Variants in NAP1L1 observed in about 807,000 individuals in gnomAD.
NAP1L1 encodes nucleosome assembly protein 1 like 1.
Under a neutral mutation model 58.9 loss-of-function variants are expected in NAP1L1, and 9 were observed. The observed-to-expected ratio is 0.15, with a 90% CI of 0.09 to 0.27. NAP1L1 has a LOEUF of 0.27. NAP1L1 is among the 10% of genes least tolerant of loss of function. The probability of loss-of-function intolerance (pLI) is 1.00; values close to 1 mark genes in which losing one functional copy is unlikely to be tolerated. For missense variants in NAP1L1, 302 were observed against 458.8 expected (o/e 0.66, Z 3.12); for synonymous variants, 130 against 138.3 (o/e 0.94, Z 0.42).
At chr12:76,048,698 T>C (rs1322342204) in intron 14 of NAP1L1, among the ~76,000 whole-genome samples, 1 of 152,064 alleles carries the variant, frequency 6.6e-6, no homozygotes, top group Non-Finnish European at 1.5e-5. Flanking sequence ...TAAACCATAA[T>C]CTTAAAAAAA....
intron 2 of NAP1L1, chr12:76,073,736 T>C (rs1268270909): frequency 6.5e-6 from 1 of 153,036 alleles, no homozygotes; most frequent in Non-Finnish European, 1.5e-5. Flanking sequence ...AGCACTTACA[T>C]GTCTGCAAGG....
In NAP1L1 at chr12:76,038,825, T is replaced by G. The variant is rs1308256188; in HGVS notation, c.*9604A>C. 1.3e-5 allele frequency: 2 copies of G among 152,180 alleles called. No individual in the cohort carries two copies. Among genetic ancestry groups the G allele is most frequent in the Non-Finnish European group, 2.9e-5 (2 of 68,028 alleles). The allele number at this position is 152,180 out of a possible 1,614,324, so 9.4% of individuals were successfully genotyped here. On this transcript the variant is annotated 3_prime_UTR_variant, in exon 15 of 15. Coordinates refer to ENST00000618691, the MANE Select transcript of NAP1L1 (RefSeq NM_004537.7). ...CAATAACTACCTAAGTAAATCATTG[T>G]TGAGTAACAATGAGCACCCCTTAAA...
chr12:76,042,954 TAA>T lies in NAP1L1; in HGVS notation c.*5473_*5474del, dbSNP rs1199819407. The T allele has an allele frequency of 3.3e-5, 5 of 152,218 alleles. No individual in the cohort carries two copies. Among genetic ancestry groups the T allele is most frequent in the African/African-American group, 1.2e-4 (5 of 41,456 alleles). 9.4% of individuals were successfully genotyped at this position (152,218 alleles called of 1,614,324 possible). ...AGTTGAAGGAAAGCTGTAATATTGA[TAA>T]GTTACCCCAAAACACCAATCTGGAG... On this transcript the variant is annotated 3_prime_UTR_variant, in exon 15 of 15. Transcript: ENST00000618691.
Position 76,049,785 on chromosome 12 carries a change from A to G in NAP1L1, c.1060T>C (p.Tyr354His). 6.2e-7 allele frequency: 1 copy of G among 1,612,826 alleles called. No individual in the cohort carries two copies. Among genetic ancestry groups the G allele is most frequent in the Non-Finnish European group, 8.5e-7 (1 of 1,179,464 alleles). ...TCCGCTTCTTCACCTTCTTCATCAT[A>G]CTGAAAAGGAAAAACAGCGTTAAGT... ...GEAIEDDDDDYDEEGEEADEE... is the reference protein window; with the variant it reads ...GEAIEDDDDDHDEEGEEADEE... Residue 354 changes from tyrosine to histidine, a missense_variant and splice_region_variant, in exon 13 of 15, where the codon TAT (tyrosine) becomes CAT (histidine). By Grantham distance (83) the Tyr-to-His change is moderately conservative (BLOSUM62 2). Transcript: ENST00000618691.
intron 1 of NAP1L1, chr12:76,084,161 A>C (rs11180823): frequency 0.37 from 56,109 of 151,884 alleles, 11,164 homozygotes; most frequent in East Asian, 0.43. Context: ...GGGGGTGTCC[A>C]AGAGGCGGCC....
intron 6 of NAP1L1, chr12:76,057,934 C>A: frequency 8.9e-7 from 1 of 1,121,022 alleles, no homozygotes; most frequent in Non-Finnish European, 1.3e-6. Flanking sequence ...GGGTTGTGGC[C>A]TTGTAACTTT....
intron 8 of NAP1L1, 28 bp downstream of exon 8, chr12:76,054,991 A>T (rs371475780): frequency 1.9e-4 from 296 of 1,531,482 alleles, no homozygotes; most frequent in Non-Finnish European, 2.5e-4. Flanking sequence ...CATGTTACAA[A>T]ATTATAAATA....
intron 2 of NAP1L1, among the ~76,000 whole-genome samples, chr12:76,073,366 T>C (rs748977853): frequency 4.0e-4 from 61 of 152,156 alleles, no homozygotes; most frequent in Non-Finnish European, 7.8e-4. Context: ...ACAAACACTG[T>C]GTACCTCATC....
intron 1 of NAP1L1, among the ~76,000 whole-genome samples, chr12:76,078,375 G>C (rs1006321426): frequency 9.9e-5 from 15 of 151,850 alleles, no homozygotes; most frequent in Admixed American, 5.9e-4. Flanking sequence ...ATCTGTCCCT[G>C]GTATATTCAG....
At position 76,057,880 on chromosome 12, in the gene NAP1L1, G is replaced by A; in HGVS notation, c.430-1719C>T. 4 of 1,421,024 alleles carry A rather than the reference G, an allele frequency of 2.8e-6. No individual in the cohort carries two copies. In the South Asian group the frequency reaches 3.6e-5, roughly 13 times the overall value. 88.0% of individuals were successfully genotyped at this position (1,421,024 alleles called of 1,614,324 possible). A position where few individuals can be genotyped will look rare whatever the true frequency, so the allele number is the denominator to read the frequency against. On this transcript the variant is annotated intron_variant, in intron 6 of 14. Transcript: ENST00000618691. ...AAAAAACAAAGACGGTACCACAAAA[G>A]GTTACTATAGCCAAAATTCCCAGAG...
At position 76,041,491 on chromosome 12, in the gene NAP1L1, A is replaced by G. The variant is rs1171380920; in HGVS notation, c.*6938T>C. 1 of 152,244 alleles carries G rather than the reference A, an allele frequency of 6.6e-6. No homozygotes were observed. Among genetic ancestry groups the G allele is most frequent in the Admixed American group, 6.5e-5 (1 of 15,286 alleles). The allele number at this position is 152,244 out of a possible 1,614,324, so 9.4% of individuals were successfully genotyped here. On this transcript the variant is annotated 3_prime_UTR_variant, in exon 15 of 15. Coordinates refer to ENST00000618691, the MANE Select transcript of NAP1L1 (RefSeq NM_004537.7). ...AGCTGAAATAGTGCAAATGCAGGTT[A>G]AATACAGTGGGCTATTCATCTCCAA... is the stretch of plus-strand genomic sequence containing the variant.
rs1948573479 is a variant in NAP1L1, at chr12:76,043,829, TACA to T, written c.*4597_*4599del. On this transcript the variant is annotated 3_prime_UTR_variant, in exon 15 of 15. Transcript: ENST00000618691. Reference sequence around the variant, plus strand: ...TTGAGCCTTCTGGTAGCAACTATTTTACAACCTCATGAAATTTACCAGAGCCGC... The same window carrying T: ...TTGAGCCTTCTGGTAGCAACTATTTTACCTCATGAAATTTACCAGAGCCGC... 6.6e-6 allele frequency: 1 copy of T among 152,206 alleles called. No homozygotes were observed. Among genetic ancestry groups the T allele is most frequent in the Non-Finnish European group, 1.5e-5 (1 of 68,042 alleles). 9.4% of individuals were successfully genotyped at this position (152,206 alleles called of 1,614,324 possible).
At chr12:76,084,425 A>G (rs1463324704) in intron 1 of NAP1L1, 142 bp downstream of exon 1, 4 of 152,212 alleles carry the variant, frequency 2.6e-5, no homozygotes, top group African/African-American at 9.7e-5. Flanking sequence ...GTCCGACCTC[A>G]CAGGACGACC....
chr12:76,084,311 C>T (rs555184466), intron 1 of NAP1L1, among the ~76,000 whole-genome samples: 1 of 152,278 alleles, frequency 6.6e-6, no homozygotes, highest in African/African-American at 2.4e-5. Flanking sequence ...AACCTTAGGC[C>T]TCCAGGCCGC....
intron 14 of NAP1L1, 49 bp from the exon 15 acceptor site, chr12:76,048,513 G>A (rs1413907152): frequency 1.3e-6 from 2 of 1,597,878 alleles, no homozygotes; most frequent in Non-Finnish European, 1.7e-6. Context: ...ACCTGCTTCA[G>A]TGAATTTCTC....
rs1420963303 is a variant in NAP1L1 at position 76,053,230 on chromosome 12, G to C, written c.891C>G (p.Phe297Leu). 6.2e-7 allele frequency: 1 copy of C among 1,613,898 alleles called. No homozygotes were observed. The highest frequency in any genetic ancestry group is 8.5e-7 in the Non-Finnish European group (1 of 1,179,908). ...TVTKTVSNDS[F>L]FNFFAPPEVP... ...CTTCAGGAGGGGCAAAAAAGTTAAAGAAAGAGTCATTGGAAACTGTTTTAG... is the reference window on the plus strand; with the variant it reads ...CTTCAGGAGGGGCAAAAAAGTTAAACAAAGAGTCATTGGAAACTGTTTTAG... The change falls in exon 10 of 15, where the codon TTC becomes TTG. Residue 297 changes from phenylalanine (F) to leucine (L), a missense_variant. Phe to Leu is a conservative substitution (Grantham distance 22). Coordinates refer to ENST00000618691, the MANE Select transcript of NAP1L1 (RefSeq NM_004537.7).
intron 11 of NAP1L1, among the ~76,000 whole-genome samples, chr12:76,052,861 G>A (rs1021874705): frequency 6.6e-6 from 1 of 152,190 alleles, no homozygotes; most frequent in Non-Finnish European, 1.5e-5. Flanking sequence ...ACAGCAATAT[G>A]TGAAGTTTCA....
chr12:76,053,522 AACACATTT>A (rs1400990039), intron 9 of NAP1L1, among the ~76,000 whole-genome samples, 172 bp from the exon 10 acceptor site: 1 of 152,214 alleles, frequency 6.6e-6, no homozygotes, highest in East Asian at 1.9e-4. Context: ...ATTTAAAATA[AACACATTT>A]ACAATTAGCA....
In NAP1L1 at chr12:76,039,624, A is replaced by G. The variant is rs1460469100; in HGVS notation, c.*8805T>C. The G allele has an allele frequency of 6.6e-6, 1 of 152,250 alleles. No individual in the cohort carries two copies. Among genetic ancestry groups the G allele is most frequent in the African/African-American group, 2.4e-5 (1 of 41,464 alleles). The allele number at this position is 152,250 out of a possible 1,614,324, so 9.4% of individuals were successfully genotyped here. On this transcript the variant is annotated 3_prime_UTR_variant, in exon 15 of 15. Coordinates refer to ENST00000618691, the MANE Select transcript of NAP1L1 (RefSeq NM_004537.7). ...CATCTCTGAAAGCTCTAGCCTAAAG[A>G]ACATGCTTATTTAACCACTAGTTGT... is the stretch of plus-strand genomic sequence containing the variant.
Sources: allele counts gnomAD v4.1 joint callset (sites outside exome capture counted in the v4.1 genomes callset), GRCh38; gene constraint gnomAD v4.1.1; transcripts MANE v1.5; gene names NCBI Gene and HGNC (gene_info 2026-07-23, HGNC 2026-07-21).